Variants in SERPINB12 observed in about 807,000 individuals in gnomAD.
The protein encoded by SERPINB12 is serpin B12.
SERPINB12 carries 57 observed loss-of-function variants against 41.1 expected under a neutral mutation model. The ratio of observed to expected loss-of-function variants is 1.39; its 90% CI spans 1.12 to 1.73. SERPINB12 has a LOEUF of 1.73. SERPINB12 is among the 40% of genes most tolerant of loss of function. SERPINB12 has a pLI of 0.00. For missense variants in SERPINB12, 536 were observed against 501.9 expected, an observed-to-expected ratio of 1.07 and a Z score of -0.65; for synonymous variants, 180 against 181.3, an observed-to-expected ratio of 0.99 and a Z score of 0.06.
chr18:63,538,517 A>G (rs116080320), upstream of SERPINB12, among the ~76,000 whole-genome samples: 1,426 of 152,272 alleles, frequency 9.4e-3, 17 homozygotes, highest in African/African-American at 0.032. Context: ...AGCATGTATT[A>G]ATACTTCATA....
At chr18:63,550,193 T>A (rs1029700362) in intron 1 of SERPINB12, among the ~76,000 whole-genome samples, 3 of 152,164 alleles carry the variant, frequency 2.0e-5, no homozygotes, top group Non-Finnish European at 4.4e-5. Context: ...TAATGATGAC[T>A]GAAGTAAATT....
At chr18:63,565,689 A>G (rs1279554341) in intron 7 of SERPINB12, 77 bp downstream of exon 7, 5 of 1,274,006 alleles carry the variant, frequency 3.9e-6, no homozygotes, top group African/African-American at 3.0e-5. Context: ...ACTATCTACC[A>G]TCTCGAGGAA....
chr18:63,557,799 C>T (rs1910727150), intron 2 of SERPINB12, among the ~76,000 whole-genome samples: 1 of 152,144 alleles, frequency 6.6e-6, no homozygotes, highest in Admixed American at 6.5e-5. Flanking sequence ...TCCCTTGATT[C>T]ATGTGAAACT....
chr18:63,533,720 C>T, the SERPINB12 span, among the ~76,000 whole-genome samples: 1 of 152,172 alleles, frequency 6.6e-6, no homozygotes, highest in Non-Finnish European at 1.5e-5. Context: ...TCCCACCTCC[C>T]TTTATGTGTA....
chr18:63,537,295 C>T, the SERPINB12 span, among the ~76,000 whole-genome samples: 1 of 152,132 alleles, frequency 6.6e-6, no homozygotes, highest in Non-Finnish European at 1.5e-5. Context: ...ACATGTTCCT[C>T]CAGGGAAGCT....
chr18:63,524,058 C>A, the SERPINB12 span, among the ~76,000 whole-genome samples: 12 of 151,992 alleles, frequency 7.9e-5, no homozygotes, highest in Non-Finnish European at 2.9e-5. Context: ...GAAATAAAAA[C>A]TGTAAAACAA....
In SERPINB12 at chr18:63,564,072, A is replaced by C. The variant is rs1347040214; in HGVS notation, c.657A>C (p.Thr219=). 4 of 1,614,046 alleles carry C rather than the reference A, an allele frequency of 2.5e-6. No individual in the cohort carries two copies. Among genetic ancestry groups the C allele is most frequent in the Non-Finnish European group, 3.4e-6 (4 of 1,180,010 alleles). ...NAVYFKAKWE[T]YFDHENTVDA... Reference sequence around the variant, plus strand: ...TTTACTTCAAGGCCAAATGGGAAACATACTTTGACCATGAAAACACGGTGG... The same window carrying C: ...TTTACTTCAAGGCCAAATGGGAAACCTACTTTGACCATGAAAACACGGTGG... Residue 219 remains threonine (T), a synonymous_variant, in exon 6 of 8, where the codon ACA becomes ACC. Coordinates refer to ENST00000382768, the MANE Select transcript of SERPINB12 (RefSeq NM_001307928.2).
chr18:63,560,700 C>T (rs1435799896), intron 4 of SERPINB12, among the ~76,000 whole-genome samples: 2 of 152,180 alleles, frequency 1.3e-5, no homozygotes, highest in African/African-American at 4.8e-5. Flanking sequence ...TAAACAGAAA[C>T]TCTGCAACCA....
chr18:63,558,219 C>T, intron 2 of SERPINB12, 133 bp from the exon 3 acceptor site: 3 of 1,048,100 alleles, frequency 2.9e-6, no homozygotes, highest in African/African-American at 3.2e-5. Context: ...CACCCACTTT[C>T]CTTTAAACTG....
intron 7 of SERPINB12, 67 bp from the exon 8 acceptor site, chr18:63,566,540 G>C: frequency 7.0e-7 from 1 of 1,433,150 alleles, no homozygotes; most frequent in Non-Finnish European, 9.4e-7. Flanking sequence ...CAGGCACCTT[G>C]AAGTAATTGG....
At chr18:63,541,214 G>A (rs62098301), upstream of SERPINB12, among the ~76,000 whole-genome samples, 8,524 of 152,156 alleles carry the variant, frequency 0.056, 280 homozygotes, top group South Asian at 0.11. Context: ...CATGCCACTC[G>A]TTCCCTCAGA....
At chr18:63,532,255 G>A in the SERPINB12 span, among the ~76,000 whole-genome samples, 2 of 152,190 alleles carry the variant, frequency 1.3e-5, no homozygotes, top group African/African-American at 4.8e-5. Flanking sequence ...ACTTACAGTT[G>A]CTAGGACCCT....
At chr18:63,525,655 T>G in the SERPINB12 span, among the ~76,000 whole-genome samples, 3 of 152,164 alleles carry the variant, frequency 2.0e-5, no homozygotes, top group African/African-American at 7.2e-5. Flanking sequence ...CATGAAAAGT[T>G]TATTTATAAA....
chr18:63,559,003 C>CTTTCTTTCTTTTCA (rs1491386715), intron 3 of SERPINB12, among the ~76,000 whole-genome samples: 25 of 78,600 alleles, frequency 3.2e-4, no homozygotes, highest in African/African-American at 1.2e-3. Context: ...TCTTTCCTTC[C>CTTTCTTTCTTTTCA]TTCTTTCTTT....
At chr18:63,552,347 A>G (rs980827825) in intron 1 of SERPINB12, among the ~76,000 whole-genome samples, 3 of 152,238 alleles carry the variant, frequency 2.0e-5, no homozygotes, top group Admixed American at 2.0e-4. Flanking sequence ...TGATGAGAAC[A>G]AGACAATTAA....
upstream of SERPINB12, among the ~76,000 whole-genome samples, chr18:63,537,766 T>C (rs1028228051): frequency 2.6e-5 from 4 of 152,182 alleles, no homozygotes; most frequent in Non-Finnish European, 4.4e-5. Flanking sequence ...GGTTGTCACA[T>C]TTATTAATTT....
In SERPINB12 at chr18:63,558,482, A is replaced by G; in HGVS notation, c.299A>G (p.Gln100Arg). 1 of 1,610,290 alleles carries G rather than the reference A, an allele frequency of 6.2e-7. No individual in the cohort carries two copies. Among genetic ancestry groups the G allele is most frequent in the Non-Finnish European group, 8.5e-7 (1 of 1,178,974 alleles). Residue 100 changes from glutamine to arginine, a missense_variant, in exon 3 of 8, where the codon CAG becomes CGG. Transcript: ENST00000382768. ...AAAAAAACGACAGAGCCTCTGGATC[A>G]GCAGGTGAACCGCCACCGTAGAAAA... ...GQKKTTEPLD[Q>R]QAGSLNNESG...
Position 63,565,534 on chromosome 18 carries a change from G to A in SERPINB12, c.795G>A (p.Met265Ile). 1.9e-6 allele frequency: 3 copies of A among 1,614,156 alleles called. No individual in the cohort carries two copies. The highest frequency in any genetic ancestry group is 2.5e-6 in the Non-Finnish European group (3 of 1,180,004). Residue 265 changes from methionine to isoleucine, a missense_variant, in exon 7 of 8, where the codon ATG (methionine) becomes ATA (isoleucine). Transcript: ENST00000382768. ...IEEVKAQILEMRYTKGKLSMF... is the reference protein window; with the variant it reads ...IEEVKAQILEIRYTKGKLSMF... ...AGGTGAAGGCACAGATCCTGGAAATGAGGTACACCAAGGGGAAGCTCAGCA... is the reference window on the plus strand; with the variant it reads ...AGGTGAAGGCACAGATCCTGGAAATAAGGTACACCAAGGGGAAGCTCAGCA...
Position 63,567,939 on chromosome 18 carries a change from C to G in SERPINB12, c.*928C>G, listed in dbSNP as rs981197588. Among the ~76,000 whole-genome samples, 3 of 143,892 alleles carry G rather than the reference C, an allele frequency of 2.1e-5. No homozygotes were observed. Among genetic ancestry groups the G allele is most frequent in the Admixed American group, 2.0e-4 (3 of 14,900 alleles). 94.4% of individuals were successfully genotyped at this position (143,892 alleles called of 152,430 possible). A position where few individuals can be genotyped will look rare whatever the true frequency, so the allele number is the denominator to read the frequency against. ...CGTGGAGGCTGGCCTCTGTGTGCCC[C>G]TCTCTCTGCCTTCTGGCCACGTGGA... On this transcript the variant is annotated 3_prime_UTR_variant, in exon 8 of 8. Transcript: ENST00000382768.
Sources: gnomAD v4.1 joint callset for allele counts (sites outside exome capture counted in the v4.1 genomes callset) on GRCh38, gnomAD v4.1.1 for gene constraint, MANE v1.5 for transcripts, NCBI Gene and HGNC (gene_info 2026-07-23, HGNC 2026-07-21) for gene names.